KCNH1: variants seen among roughly 807,000 people sequenced by gnomAD.
KCNH1 encodes the protein potassium voltage-gated channel subfamily H member 1.
Under a neutral mutation model 69.2 loss-of-function variants are expected in KCNH1, and 27 were observed. The ratio of observed to expected loss-of-function variants is 0.39; its 90% CI spans 0.29 to 0.54. The LOEUF is 0.54. KCNH1 is among the 20% of genes least tolerant of loss of function. The probability of loss-of-function intolerance (pLI) is 0.68; values close to 1 mark genes in which losing one functional copy is unlikely to be tolerated. For missense variants in KCNH1, 798 were observed against 1,261.6 expected (o/e 0.63, Z 5.57); for synonymous variants, 456 against 487.7 (o/e 0.93, Z 0.86).
At chr1:211,025,169 G>A (rs1571587523) in intron 5 of KCNH1, among the ~76,000 whole-genome samples, 1 of 152,202 alleles carries the variant, frequency 6.6e-6, no homozygotes, top group African/African-American at 2.4e-5. Flanking sequence ...GGGACTCCCA[G>A]CTGCTCCTCT....
intron 10 of KCNH1, among the ~76,000 whole-genome samples, chr1:210,744,990 G>A (rs1332578458): frequency 8.5e-6 from 1 of 117,936 alleles, no homozygotes; most frequent in African/African-American, 3.0e-5. Context: ...ATCACCCGAG[G>A]TCAGGAATTC....
rs746801541 is a variant in KCNH1 at position 210,994,172 on chromosome 1, T to C, written c.1032+24611A>G. 7.2e-4 allele frequency among the ~76,000 whole-genome samples: 110 copies of C among 152,214 alleles called. 2 individuals carry two copies. Among genetic ancestry groups the C allele is most frequent in the Admixed American group, 9.8e-4 (15 of 15,272 alleles). ...CATGAATAGTTGGTATTAATCATAC[T>C]CAAATGATGATACCACTAATTGTTC... On this transcript the variant is annotated intron_variant, in intron 6 of 10. Transcript: ENST00000271751.
chr1:210,833,196 A>G (rs1388427332), intron 7 of KCNH1, among the ~76,000 whole-genome samples: 2 of 152,168 alleles, frequency 1.3e-5, no homozygotes, highest in Non-Finnish European at 2.9e-5. Context: ...TGATATATTT[A>G]TAAATCAGGT....
chr1:210,965,205 T>C (rs1213253738), intron 6 of KCNH1, among the ~76,000 whole-genome samples: 1 of 152,108 alleles, frequency 6.6e-6, no homozygotes, highest in Non-Finnish European at 1.5e-5. Flanking sequence ...AAGGATGCCC[T>C]CTCTCCACCA....
intron 7 of KCNH1, among the ~76,000 whole-genome samples, chr1:210,829,232 C>T (rs1405843705): frequency 6.6e-6 from 1 of 152,054 alleles, no homozygotes; most frequent in Non-Finnish European, 1.5e-5. Context: ...TCTAAGAAGG[C>T]ATTCAATAGA....
intron 7 of KCNH1, among the ~76,000 whole-genome samples, chr1:210,825,960 A>G (rs1685023588): frequency 6.6e-6 from 1 of 152,200 alleles, no homozygotes; most frequent in East Asian, 1.9e-4. Context: ...ATTCAAATAA[A>G]TGTCCACGGT....
At chr1:211,012,355 G>T (rs1024717354) in intron 6 of KCNH1, among the ~76,000 whole-genome samples, 1 of 152,116 alleles carries the variant, frequency 6.6e-6, no homozygotes, top group Non-Finnish European at 1.5e-5. Flanking sequence ...CCCAGAACAA[G>T]ACCTGTGCTG....
intron 6 of KCNH1, among the ~76,000 whole-genome samples, chr1:210,929,955 A>G (rs1238664048): frequency 6.6e-6 from 1 of 152,012 alleles, no homozygotes; most frequent in Non-Finnish European, 1.5e-5. Context: ...AGTAAAATAC[A>G]TAGGAATATA....
intron 9 of KCNH1, among the ~76,000 whole-genome samples, chr1:210,785,574 G>A (rs752867728): frequency 8.5e-5 from 13 of 152,108 alleles, no homozygotes; most frequent in Middle Eastern, 3.4e-3. Context: ...TAGTAGAGAC[G>A]GGGTGTTTCA....
At chr1:210,987,723 G>A (rs1435111300) in intron 6 of KCNH1, among the ~76,000 whole-genome samples, 3 of 152,152 alleles carry the variant, frequency 2.0e-5, no homozygotes, top group African/African-American at 4.8e-5. Flanking sequence ...TAGGCTACTC[G>A]GGGGTCAGTG....
chr1:210,942,572 A>G (rs1687894248), intron 6 of KCNH1, among the ~76,000 whole-genome samples: 1 of 152,258 alleles, frequency 6.6e-6, no homozygotes, highest in African/African-American at 2.4e-5. Context: ...AATTATCAAA[A>G]GAAGTTACCA....
chr1:211,028,996 C>T (rs193107882), intron 5 of KCNH1, among the ~76,000 whole-genome samples: 1 of 151,740 alleles, frequency 6.6e-6, no homozygotes, highest in East Asian at 1.9e-4. Context: ...AATATAGATG[C>T]AAATATCCTT....
At chr1:210,687,388 C>T (rs1681429826) in intron 10 of KCNH1, among the ~76,000 whole-genome samples, 1 of 152,218 alleles carries the variant, frequency 6.6e-6, no homozygotes, top group Admixed American at 6.5e-5. Context: ...CACTCAATGA[C>T]AGGGCCTGTT....
intron 6 of KCNH1, among the ~76,000 whole-genome samples, chr1:210,926,885 T>G (rs1001830912): frequency 2.0e-5 from 3 of 151,950 alleles, no homozygotes; most frequent in Admixed American, 2.0e-4. Flanking sequence ...AATCACAACT[T>G]CTGGAAATGA....
At chr1:210,986,402 GT>G (rs1688835108) in intron 6 of KCNH1, among the ~76,000 whole-genome samples, 1 of 152,212 alleles carries the variant, frequency 6.6e-6, no homozygotes, top group South Asian at 2.1e-4. Context: ...AACTTGGCAT[GT>G]TTTTGCAGTG....
chr1:211,017,391 C>T (rs965190417), intron 6 of KCNH1, among the ~76,000 whole-genome samples: 3 of 152,082 alleles, frequency 2.0e-5, no homozygotes, highest in African/African-American at 7.2e-5. Context: ...TCCTATGAGC[C>T]GTTTAGTTCT....
At chr1:210,859,374 A>T in intron 7 of KCNH1, 20 of 1,548,124 alleles carry the variant, frequency 1.3e-5, no homozygotes, top group Non-Finnish European at 1.7e-5. Context: ...ACACAGGATT[A>T]TGATTTCGAA....
intron 6 of KCNH1, among the ~76,000 whole-genome samples, chr1:210,976,455 AG>A (rs1217275218): frequency 6.7e-6 from 1 of 148,944 alleles, no homozygotes; most frequent in East Asian, 2.1e-4. Flanking sequence ...AAGAAACAAC[AG>A]GTGCTGGAGA....
At chr1:210,702,245 C>A (rs1681798774) in intron 10 of KCNH1, among the ~76,000 whole-genome samples, 1 of 152,142 alleles carries the variant, frequency 6.6e-6, no homozygotes, top group Non-Finnish European at 1.5e-5. Flanking sequence ...CTTGGTGGCC[C>A]TGCAATCTGA....
Sources: allele counts gnomAD v4.1 joint callset (sites outside exome capture counted in the v4.1 genomes callset), GRCh38; gene constraint gnomAD v4.1.1; transcripts MANE v1.5; gene names NCBI Gene and HGNC (gene_info 2026-07-23, HGNC 2026-07-21).